The following CEP83 variants were observed in gnomAD, a reference collection of about 807,000 sequenced individuals.
CEP83 encodes the protein centrosomal protein of 83 kDa.
A neutral mutation model predicts 101.9 loss-of-function variants in CEP83; 70 were observed. The observed-to-expected ratio is 0.69, with a 90% CI of 0.57 to 0.84. The LOEUF (loss-of-function observed/expected upper bound fraction) is 0.84, where lower values mean the gene tolerates loss of function less well. CEP83 is among the 40% of genes least tolerant of loss of function. CEP83 has a pLI of 0.00. For synonymous variants in CEP83, 264 were observed against 267.9 expected (o/e 0.99, Z 0.14); for missense variants, 715 against 787.2 (o/e 0.91, Z 1.10).
chr12:94,291,440 G>A, the CEP83 span, among the ~76,000 whole-genome samples: 5 of 152,060 alleles, frequency 3.3e-5, no homozygotes, highest in African/African-American at 7.2e-5. Context: ...TGAGTTCTCC[G>A]GGCTGGTCTT....
At chr12:94,401,003 C>A in intron 5 of CEP83, 22 bp from the exon 6 acceptor site, 1 of 1,301,308 alleles carries the variant, frequency 7.7e-7, no homozygotes, top group South Asian at 2.6e-5. Flanking sequence ...ATGCATTTAT[C>A]ATAGATTTAT....
chr12:94,318,255 T>G (rs938796269), intron 14 of CEP83, among the ~76,000 whole-genome samples: 1 of 152,210 alleles, frequency 6.6e-6, no homozygotes, highest in Non-Finnish European at 1.5e-5. Flanking sequence ...TTTTTGTACA[T>G]TGAGTTTGTA....
intron 6 of CEP83, among the ~76,000 whole-genome samples, chr12:94,393,794 A>G (rs1281320253): frequency 1.3e-5 from 2 of 152,228 alleles, no homozygotes; most frequent in Non-Finnish European, 2.9e-5. Flanking sequence ...TACAAAATCA[A>G]TGGGCAAAAA....
the CEP83 span, among the ~76,000 whole-genome samples, chr12:94,290,869 G>GGTCA: frequency 6.6e-6 from 1 of 152,202 alleles, no homozygotes; most frequent in Non-Finnish European, 1.5e-5. Context: ...GAAGTGACAG[G>GGTCA]GTCAGTCCTC....
the CEP83 span, chr12:94,294,429 A>T: frequency 1.4e-6 from 1 of 728,850 alleles, no homozygotes; most frequent in Non-Finnish European, 2.4e-6. Flanking sequence ...TTCCTGGGTG[A>T]AGTTGAGAAA....
chr12:94,355,213 G>A (rs2060397656), intron 11 of CEP83, among the ~76,000 whole-genome samples: 1 of 152,056 alleles, frequency 6.6e-6, no homozygotes, highest in Non-Finnish European at 1.5e-5. Flanking sequence ...ACAAGAACAG[G>A]CCGGGCACAG....
rs186407333 is a variant in CEP83 at position 94,348,227 on chromosome 12, A to T, written c.1344-12563T>A. ...AAGCATTGAAACAGAAAAAAAATTT[A>T]AAAAAAAGAGGTCTACTTTTCAAAA... On this transcript the variant is annotated intron_variant, in intron 11 of 16. Transcript: ENST00000397809. Among the ~76,000 whole-genome samples the T allele has an allele frequency of 9.1e-4, 139 of 151,950 alleles. 1 individual carries two copies. The East Asian group carries it at 0.02, about 21-fold the overall frequency.
intron 14 of CEP83, among the ~76,000 whole-genome samples, chr12:94,314,874 G>GT (rs1468905005): frequency 6.6e-6 from 1 of 152,106 alleles, no homozygotes; most frequent in Non-Finnish European, 1.5e-5. Context: ...ATGCTCTTTT[G>GT]TATCTGGACT....
intron 4 of CEP83, chr12:94,407,858 G>A (rs140450269): frequency 0.045 from 6,920 of 152,308 alleles, 210 homozygotes; most frequent in Non-Finnish European, 0.072. Flanking sequence ...TCGCTCTGTC[G>A]CCCAGGCTGG....
At chr12:94,328,538 C>T (rs1050425469) in intron 14 of CEP83, among the ~76,000 whole-genome samples, 1 of 152,006 alleles carries the variant, frequency 6.6e-6, no homozygotes, top group Non-Finnish European at 1.5e-5. Context: ...CATCTTACGG[C>T]AAAAAATGCT....
At chr12:94,326,965 T>C (rs991997649) in intron 14 of CEP83, among the ~76,000 whole-genome samples, 14 of 152,320 alleles carry the variant, frequency 9.2e-5, no homozygotes, top group Admixed American at 8.5e-4. Context: ...TAATTTGTCA[T>C]AGCAGCCCTA....
intron 2 of CEP83, among the ~76,000 whole-genome samples, chr12:94,415,470 A>G (rs1188999905): frequency 1.3e-5 from 2 of 152,150 alleles, no homozygotes; most frequent in Middle Eastern, 3.2e-3. Context: ...TTGAGTCCTC[A>G]TATCAAAAGT....
At chr12:94,414,612 T>C (rs2064136893) in intron 2 of CEP83, among the ~76,000 whole-genome samples, 1 of 152,228 alleles carries the variant, frequency 6.6e-6, no homozygotes, top group African/African-American at 2.4e-5. Context: ...AAACATAACT[T>C]TTCCATGCAC....
At position 94,396,280 on chromosome 12, in the gene CEP83, C is replaced by CTT. The variant is rs776434390; in HGVS notation, c.549+4568_549+4569dup. ...CTTACAGTCACATGAAAAAGCATGA[C>CTT]TTTTTTTTTTTTTTTTTTTTTTTTT... On this transcript the variant is annotated intron_variant, in intron 6 of 16. Coordinates refer to ENST00000397809, the MANE Select transcript of CEP83 (RefSeq NM_016122.3). Among the ~76,000 whole-genome samples the CTT allele has an allele frequency of 1.8e-3, 166 of 90,940 alleles. 17 individuals carry two copies. Among genetic ancestry groups the CTT allele is most frequent in the East Asian group, 9.4e-3 (29 of 3,096 alleles). 59.7% of individuals were successfully genotyped at this position (90,940 alleles called of 152,430 possible).
At chr12:94,427,591 G>A (rs967238701) in intron 2 of CEP83, among the ~76,000 whole-genome samples, 3 of 152,108 alleles carry the variant, frequency 2.0e-5, no homozygotes, top group African/African-American at 4.8e-5. Flanking sequence ...CCCAAAGTAT[G>A]GTAATTCAAA....
intron 11 of CEP83, among the ~76,000 whole-genome samples, chr12:94,348,215 GA>G (rs1223327225): frequency 6.6e-6 from 1 of 151,478 alleles, no homozygotes; most frequent in African/African-American, 2.4e-5. Context: ...CATTGAAACA[GA>G]AAAAAAATTT....
intron 14 of CEP83, among the ~76,000 whole-genome samples, chr12:94,327,829 C>G (rs1334589673): frequency 6.6e-6 from 1 of 152,206 alleles, no homozygotes; most frequent in Non-Finnish European, 1.5e-5. Flanking sequence ...CCTAACTGGT[C>G]TCCTTGTCTT....
intron 6 of CEP83, among the ~76,000 whole-genome samples, chr12:94,400,335 G>A (rs908156916): frequency 6.6e-6 from 1 of 152,214 alleles, no homozygotes; most frequent in African/African-American, 2.4e-5. Context: ...GGGAATGTAT[G>A]CTGTAGGCAG....
At chr12:94,446,056 T>C (rs2066776096) in intron 1 of CEP83, among the ~76,000 whole-genome samples, 1 of 152,284 alleles carries the variant, frequency 6.6e-6, no homozygotes, top group African/African-American at 2.4e-5. Context: ...ATATTTGTGA[T>C]TATTTTTGAA....
Sources: allele counts gnomAD v4.1 joint callset (sites outside exome capture counted in the v4.1 genomes callset), GRCh38; gene constraint gnomAD v4.1.1; transcripts MANE v1.5; gene names NCBI Gene and HGNC (gene_info 2026-07-23, HGNC 2026-07-21).